The following MBP variants were observed in gnomAD, a reference collection of about 807,000 sequenced individuals.
The protein encoded by MBP is myelin basic protein, also known as Golli-MBP.
A neutral mutation model predicts 35.8 loss-of-function variants in MBP; 16 were observed. The ratio of observed to expected loss-of-function variants is 0.45; its 90% CI spans 0.30 to 0.68. The LOEUF (loss-of-function observed/expected upper bound fraction) is 0.68. Ranked by LOEUF, MBP falls within the 30% of genes least tolerant of loss-of-function variation. MBP has a pLI of 0.08. For missense variants in MBP, 380 were observed against 404.7 expected (o/e 0.94, Z 0.52); for synonymous variants, 143 against 159.6 (o/e 0.90, Z 0.78).
rs763949418 is a variant in MBP at position 77,017,024 on chromosome 18, G to A, written c.384C>T (p.Ser128=). 13 of 1,614,142 alleles carry A rather than the reference G, an allele frequency of 8.1e-6. No homozygotes were observed. The highest frequency in any genetic ancestry group is 4.5e-5 in the East Asian group (2 of 44,878). The change falls in exon 4 of 9, where the codon TCC becomes TCT. Residue 128 remains serine (S), a synonymous_variant. Coordinates refer to ENST00000355994, the MANE Select transcript of MBP (RefSeq NM_001025101.2). Reference sequence around the variant, plus strand: ...GTGACGCCATCACATCCAGGCTCTCGGAGGTGGCTGCACTGTCTTCTTGGA... The same window carrying A: ...GTGACGCCATCACATCCAGGCTCTCAGAGGTGGCTGCACTGTCTTCTTGGA... ...QTIQEDSAAT[S]ESLDVMASQK...
intron 3 of MBP, among the ~76,000 whole-genome samples, chr18:77,032,721 G>A (rs1223539621): frequency 6.6e-6 from 1 of 152,232 alleles, no homozygotes; most frequent in Non-Finnish European, 1.5e-5. Context: ...CGGTTAGGTT[G>A]TGCAGCCTTT....
chr18:77,119,923 G>A (rs756133144), intron 1 of MBP, among the ~76,000 whole-genome samples: 1 of 152,196 alleles, frequency 6.6e-6, no homozygotes, highest in Non-Finnish European at 1.5e-5. Flanking sequence ...AGGGCCCTGG[G>A]GCAGCCACGG....
chr18:76,980,167 G>A lies in MBP; in HGVS notation c.*260C>T. On this transcript the variant is annotated 3_prime_UTR_variant, in exon 9 of 9. Coordinates refer to ENST00000355994, the MANE Select transcript of MBP (RefSeq NM_001025101.2). ...CCCCTGAAGACCCACGTGCGTCTGG[G>A]GGCACATTGCGGGGGAAGGAACGTG... 1 of 640,948 alleles carries A rather than the reference G, an allele frequency of 1.6e-6. No individual in the cohort carries two copies. The highest frequency in any genetic ancestry group is 2.8e-6 in the Non-Finnish European group (1 of 357,546). The allele number at this position is 640,948 out of a possible 1,614,324, so 39.7% of individuals were successfully genotyped here. A position where few individuals can be genotyped will look rare whatever the true frequency, so the allele number is the denominator to read the frequency against.
intron 2 of MBP, among the ~76,000 whole-genome samples, chr18:77,086,026 C>CAG (rs138444810): frequency 3.8e-4 from 58 of 151,372 alleles, no homozygotes; most frequent in South Asian, 1.3e-3. Context: ...GACAGACAAA[C>CAG]AGAGAGAGAG....
Position 76,980,063 on chromosome 18 carries a change from C to T in MBP, c.*364G>A, listed in dbSNP as rs577246097. ...CCTCCATGGCAGTGACCAGCAAAAGCGCAAGGGTGCCGCAGCCACGGCGAA... is the reference window on the plus strand; with the variant it reads ...CCTCCATGGCAGTGACCAGCAAAAGTGCAAGGGTGCCGCAGCCACGGCGAA... On this transcript the variant is annotated 3_prime_UTR_variant, in exon 9 of 9. Transcript: ENST00000355994. 5.1e-5 allele frequency: 36 copies of T among 700,850 alleles called. 1 individual carries two copies. The highest frequency in any genetic ancestry group is 3.0e-4 in the South Asian group (20 of 67,330). 43.4% of individuals were successfully genotyped at this position (700,850 alleles called of 1,614,324 possible).
intron 1 of MBP, among the ~76,000 whole-genome samples, chr18:77,127,105 G>T (rs776005759): frequency 5.3e-5 from 8 of 152,204 alleles, no homozygotes; most frequent in Non-Finnish European, 7.3e-5. Context: ...TAAAGTGGAA[G>T]GAAGTCACTC....
intron 3 of MBP, among the ~76,000 whole-genome samples, chr18:77,025,778 C>T (rs970783905): frequency 5.8e-5 from 8 of 138,452 alleles, no homozygotes; most frequent in East Asian, 2.3e-4. Flanking sequence ...GAAATCACAT[C>T]GCACAAGTAA....
intron 4 of MBP, chr18:77,004,381 T>A (rs1301426263): frequency 6.6e-6 from 1 of 152,124 alleles, no homozygotes; most frequent in East Asian, 1.9e-4. Context: ...AAAAGCAAGA[T>A]CAGGGCATTT....
At chr18:77,103,815 G>A (rs767636133) in intron 2 of MBP, among the ~76,000 whole-genome samples, 3 of 152,202 alleles carry the variant, frequency 2.0e-5, no homozygotes, top group Non-Finnish European at 4.4e-5. Context: ...GTCTCAGTGG[G>A]AAAAGGGTCC....
intron 2 of MBP, among the ~76,000 whole-genome samples, chr18:77,067,057 G>A (rs1431699265): frequency 2.0e-5 from 3 of 152,254 alleles, no homozygotes; most frequent in Admixed American, 1.3e-4. Flanking sequence ...TTGATCACCA[G>A]TGCAGAGAGA....
intron 2 of MBP, among the ~76,000 whole-genome samples, chr18:77,085,597 G>A (rs1045159145): frequency 1.3e-5 from 2 of 150,502 alleles, no homozygotes; most frequent in Non-Finnish European, 3.0e-5. Flanking sequence ...TCTTCTGATT[G>A]TTTTCCATAG....
At chr18:77,097,581 A>T (rs1975812489) in intron 2 of MBP, 1 of 152,180 alleles carries the variant, frequency 6.6e-6, no homozygotes, top group African/African-American at 2.4e-5. Context: ...CATCTTCTAC[A>T]CAGCCTGAGA....
intron 3 of MBP, among the ~76,000 whole-genome samples, chr18:77,053,804 C>A (rs1973610356): frequency 6.6e-6 from 1 of 152,236 alleles, no homozygotes; most frequent in Non-Finnish European, 1.5e-5. Context: ...TGAAGCTCGT[C>A]CCATGAGCCG....
chr18:77,068,838 AT>A (rs148866933), intron 2 of MBP, among the ~76,000 whole-genome samples: 8,124 of 152,316 alleles, frequency 0.053, 231 homozygotes, highest in South Asian at 0.11. Context: ...GATGTCTGGC[AT>A]TGCTAGAGAT....
intron 2 of MBP, among the ~76,000 whole-genome samples, chr18:77,067,560 C>T (rs1305790860): frequency 6.6e-6 from 1 of 152,170 alleles, no homozygotes; most frequent in African/African-American, 2.4e-5. Context: ...TCAGAATGCA[C>T]ATGGCCAAGG....
At chr18:77,051,502 C>T (rs1005432896) in intron 3 of MBP, among the ~76,000 whole-genome samples, 2 of 152,166 alleles carry the variant, frequency 1.3e-5, no homozygotes, top group African/African-American at 2.4e-5. Context: ...GCACTGGGCT[C>T]CTCCGGGGAG....
At chr18:76,985,672 C>T (rs1969512612) in intron 7 of MBP, 1 of 1,052,332 alleles carries the variant, frequency 9.5e-7, no homozygotes, top group Non-Finnish European at 1.1e-6. Flanking sequence ...CTCAGCTCCC[C>T]CACCTCCCAG....
intron 3 of MBP, among the ~76,000 whole-genome samples, chr18:77,035,401 T>A (rs1477013824): frequency 6.6e-6 from 1 of 152,270 alleles, no homozygotes; most frequent in Non-Finnish European, 1.5e-5. Flanking sequence ...TAAAGAAGGC[T>A]GTTAAATTTT....
intron 1 of MBP, chr18:77,113,822 T>A (rs1485030815): frequency 1.3e-5 from 2 of 152,216 alleles, no homozygotes; most frequent in East Asian, 1.9e-4. Flanking sequence ...CATGAGCAAG[T>A]CTTCCAGACT....
Sources: allele counts gnomAD v4.1 joint callset (sites outside exome capture counted in the v4.1 genomes callset), GRCh38; gene constraint gnomAD v4.1.1; transcripts MANE v1.5; gene names NCBI Gene and HGNC (gene_info 2026-07-23, HGNC 2026-07-21).